The following ZFAND4 variants were observed in gnomAD, a reference collection of about 807,000 sequenced individuals.
ZFAND4 encodes the protein AN1-type zinc finger protein 4.
A neutral mutation model predicts 64.4 loss-of-function variants in ZFAND4; 43 were observed. That is an observed-to-expected ratio of 0.67 (90% CI 0.52 to 0.86). The LOEUF is 0.86. ZFAND4 is among the 40% of genes least tolerant of loss of function. ZFAND4 has a pLI of 0.00. For missense variants in ZFAND4, 929 were observed against 859.8 expected, an observed-to-expected ratio of 1.08 and a Z score of -1.01; for synonymous variants, 296 against 305.7, an observed-to-expected ratio of 0.97 and a Z score of 0.33.
intron 1 of ZFAND4, among the ~76,000 whole-genome samples, chr10:45,671,678 G>C (rs1488860475): frequency 6.6e-6 from 1 of 152,152 alleles, no homozygotes; most frequent in Non-Finnish European, 1.5e-5. Flanking sequence ...ACTGGGGCCT[G>C]TCGTGGGGAG....
At chr10:45,635,223 A>AAAAAAAAAAAAAAAAAC (rs2046506612) in intron 6 of ZFAND4, among the ~76,000 whole-genome samples, 1 of 138,014 alleles carries the variant, frequency 7.2e-6, no homozygotes, top group Non-Finnish European at 1.6e-5. Flanking sequence ...ACAAAAAAAA[A>AAAAAAAAAAAAAAAAAC]ACAAACAAAA....
At chr10:45,639,236 T>C (rs376084000) in intron 6 of ZFAND4, among the ~76,000 whole-genome samples, 2 of 151,998 alleles carry the variant, frequency 1.3e-5, no homozygotes, top group Admixed American at 6.6e-5. Context: ...TGGAAAAATA[T>C]AGGTGTTTTA....
At chr10:45,623,615 T>A (rs1483066435) in intron 8 of ZFAND4, among the ~76,000 whole-genome samples, 1 of 152,112 alleles carries the variant, frequency 6.6e-6, no homozygotes, top group Non-Finnish European at 1.5e-5. Flanking sequence ...ATCATTGAAT[T>A]AGGAAATGAA....
intron 6 of ZFAND4, among the ~76,000 whole-genome samples, chr10:45,639,024 T>TGTA (rs1394723741): frequency 1.3e-5 from 2 of 152,144 alleles, no homozygotes; most frequent in African/African-American, 4.8e-5. Context: ...TGTGTCTACA[T>TGTA]GAGTGTATAT....
intron 2 of ZFAND4, among the ~76,000 whole-genome samples, chr10:45,661,629 C>G (rs1564630039): frequency 6.6e-6 from 1 of 152,144 alleles, no homozygotes. Context: ...ATATAAAGAT[C>G]ACCCAGAAAG....
At chr10:45,618,954 T>C (rs981800238) in intron 8 of ZFAND4, among the ~76,000 whole-genome samples, 6 of 152,196 alleles carry the variant, frequency 3.9e-5, no homozygotes, top group African/African-American at 1.4e-4. Context: ...TTTCCAAAAA[T>C]ATTTACTGAA....
intron 4 of ZFAND4, chr10:45,650,355 T>C (rs2047679449): frequency 6.6e-6 from 1 of 152,052 alleles, no homozygotes; most frequent in Non-Finnish European, 1.5e-5. Context: ...TTGGCCAAGC[T>C]GGTCTCAAAC....
chr10:45,640,166 G>C lies in ZFAND4; in HGVS notation c.570-203C>G. The C allele has an allele frequency of 2.4e-6, 3 of 1,247,756 alleles. No individual in the cohort carries two copies. The East Asian group carries it at 9.8e-5, about 41-fold the overall frequency. 77.3% of individuals were successfully genotyped at this position (1,247,756 alleles called of 1,614,324 possible). A position where few individuals can be genotyped will look rare whatever the true frequency, so the allele number is the denominator to read the frequency against. ...AAATGGGAATAAATATTATGATCTA[G>C]GATTACTGAAAATCTAGTATAGCTG... On this transcript the variant is annotated intron_variant, in intron 5 of 9. Coordinates refer to ENST00000344646, the MANE Select transcript of ZFAND4 (RefSeq NM_174890.4).
At chr10:45,670,225 A>ATTT (rs202120323) in intron 1 of ZFAND4, among the ~76,000 whole-genome samples, 1 of 138,530 alleles carries the variant, frequency 7.2e-6, no homozygotes. Flanking sequence ...CAACTATCTG[A>ATTT]TTTTTTTTTT....
chr10:45,653,666 A>AT (rs1275615737), intron 2 of ZFAND4, among the ~76,000 whole-genome samples: 3 of 152,230 alleles, frequency 2.0e-5, no homozygotes. Flanking sequence ...AAGTCAAAAA[A>AT]TAACTGATGT....
intron 5 of ZFAND4, among the ~76,000 whole-genome samples, chr10:45,642,315 A>G (rs887624594): frequency 6.6e-6 from 1 of 151,858 alleles, no homozygotes; most frequent in Non-Finnish European, 1.5e-5. Flanking sequence ...TATATATATA[A>G]AAGAACAATC....
At chr10:45,648,733 C>T (rs1212479568) in intron 4 of ZFAND4, among the ~76,000 whole-genome samples, 199 bp from the exon 5 acceptor site, 1 of 152,016 alleles carries the variant, frequency 6.6e-6, no homozygotes, top group Non-Finnish European at 1.5e-5. Flanking sequence ...AACAAACAAA[C>T]AAAATGCATG....
intron 4 of ZFAND4, chr10:45,650,676 T>C (rs1475668373): frequency 1.3e-5 from 2 of 152,142 alleles, no homozygotes; most frequent in Non-Finnish European, 2.9e-5. Context: ...CTTTCAAAAA[T>C]GTAATACAAT....
Position 45,628,929 on chromosome 10 carries a change from TAAAG to T in ZFAND4, c.718-1828_718-1825del, listed in dbSNP as rs371466085. On this transcript the variant is annotated intron_variant, in intron 6 of 9. Coordinates refer to ENST00000344646, the MANE Select transcript of ZFAND4 (RefSeq NM_174890.4). The stretch of plus-strand genomic sequence containing the variant: ...AAAAAAAAAAAAAAGGGAAAAAAAA[TAAAG>T]AAAGAAAAGGAGAGGTTTGCTGATG... 6.2e-3 allele frequency among the ~76,000 whole-genome samples: 627 copies of T among 101,102 alleles called. 1 individual carries two copies. Among genetic ancestry groups the T allele is most frequent in the African/African-American group, 0.022 (590 of 26,672 alleles). The allele number at this position is 101,102 out of a possible 152,430, so 66.3% of individuals were successfully genotyped here.
intron 6 of ZFAND4, among the ~76,000 whole-genome samples, chr10:45,634,073 G>A (rs953011652): frequency 2.0e-5 from 3 of 151,342 alleles, no homozygotes; most frequent in Non-Finnish European, 4.4e-5. Flanking sequence ...TGTAAAAGGT[G>A]GCCCTTATTC....
chr10:45,658,923 C>A (rs1049921748), intron 2 of ZFAND4, among the ~76,000 whole-genome samples: 1 of 152,156 alleles, frequency 6.6e-6, no homozygotes, highest in Non-Finnish European at 1.5e-5. Flanking sequence ...AACAACTTTT[C>A]TTTGTGCCAT....
rs183751036 is a variant in ZFAND4, at chr10:45,640,159, T to C, written c.570-196A>G. 4.8e-6 allele frequency: 6 copies of C among 1,251,746 alleles called. No homozygotes were observed. In the African/African-American group the frequency reaches 7.7e-5, roughly 16 times the overall value. The allele number at this position is 1,251,746 out of a possible 1,614,324, so 77.5% of individuals were successfully genotyped here. ...AAAAATGAAATGGGAATAAATATTA[T>C]GATCTAGGATTACTGAAAATCTAGT... On this transcript the variant is annotated intron_variant, in intron 5 of 9. Transcript: ENST00000344646.
At position 45,652,040 on chromosome 10, in the gene ZFAND4, A is replaced by T; in HGVS notation, c.261-7T>A. 5 of 1,613,456 alleles carry T rather than the reference A, an allele frequency of 3.1e-6. No individual in the cohort carries two copies. The highest frequency in any genetic ancestry group is 4.2e-6 in the Non-Finnish European group (5 of 1,179,490). ...GGTACACCCTTCTGAAATGCTGTGG[A>T]TAGTTAACACAAAAATAAATCATAA... is the stretch of plus-strand genomic sequence containing the variant. On this transcript the variant is annotated splice_region_variant and splice_polypyrimidine_tract_variant and intron_variant, in intron 3 of 9. Transcript: ENST00000344646.
chr10:45,624,177 A>T (rs907164370), intron 8 of ZFAND4, among the ~76,000 whole-genome samples: 2 of 152,166 alleles, frequency 1.3e-5, no homozygotes, highest in African/African-American at 4.8e-5. Context: ...AGAAATGACT[A>T]GTTCATCAAA....
Sources: allele counts gnomAD v4.1 joint callset (sites outside exome capture counted in the v4.1 genomes callset), GRCh38; gene constraint gnomAD v4.1.1; transcripts MANE v1.5; gene names NCBI Gene and HGNC (gene_info 2026-07-23, HGNC 2026-07-21).